The following DMD variants were observed in gnomAD, a reference collection of about 807,000 sequenced individuals.
DMD encodes dystrophin.
A neutral mutation model predicts 330.1 loss-of-function variants in DMD; 63 were observed. The ratio of observed to expected loss-of-function variants is 0.19; its 90% confidence interval spans 0.16 to 0.24. The LOEUF is 0.24. Ranked by LOEUF, DMD falls within the 10% of genes least tolerant of loss-of-function variation. DMD has a pLI of 1.00. For synonymous variants in DMD, 1,223 were observed against 959.8 expected (o/e 1.27, Z -5.07); for missense variants, 3,344 against 2,684.1 (o/e 1.25, Z -5.43).
At chrX:31,859,473 T>A (rs3892871) in intron 48 of DMD, among the ~76,000 whole-genome samples, 12,222 of 111,750 alleles carry the variant, frequency 0.11, 543 homozygotes, top group South Asian at 0.23. Flanking sequence ...ATTGTATGCA[T>A]GAAAATGTAT....
At chrX:33,195,171 T>C (rs894680522) in intron 1 of DMD, among the ~76,000 whole-genome samples, 11 of 110,911 alleles carry the variant, frequency 9.9e-5, no homozygotes, top group Admixed American at 8.7e-4. Flanking sequence ...GCTCCCAGGG[T>C]GGAAAATAAG....
rs776919833 is a variant in DMD, at chrX:32,264,197, G to T, written c.6290+23332C>A. On this transcript the variant is annotated intron_variant, in intron 43 of 78. Transcript: ENST00000357033. The stretch of plus-strand genomic sequence containing the variant: ...CATGAGAGCTGATGGTTTCATAAGG[G>T]GCTTTTCCTCCTTTGCTCGGCACTT... Among the ~76,000 whole-genome samples the T allele has an allele frequency of 9.6e-4, 106 of 110,776 alleles. 1 individual carries two copies. The highest frequency in any genetic ancestry group is 2.8e-3 in the African/African-American group (85 of 30,395).
At chrX:31,851,672 C>T (rs947165583) in intron 48 of DMD, among the ~76,000 whole-genome samples, 3 of 112,020 alleles carry the variant, frequency 2.7e-5, no homozygotes, top group Non-Finnish European at 5.6e-5. Context: ...ATAAAACAGA[C>T]AAACTTTTTG....
intron 7 of DMD, among the ~76,000 whole-genome samples, chrX:32,807,122 T>TTAAAAAAAAAAAAAAA (rs1345640031): frequency 3.4e-4 from 7 of 20,741 alleles, no homozygotes; most frequent in African/African-American, 1.5e-3. Context: ...CGGAAACATT[T>TTAAAAAAAAAAAAAAA]AAAAAAAAAA....
chrX:32,773,505 A>G (rs1306761927), intron 7 of DMD, among the ~76,000 whole-genome samples: 1 of 86,473 alleles, frequency 1.2e-5, no homozygotes, highest in Non-Finnish European at 2.2e-5. Context: ...CTATCTAACT[A>G]TATACTTTTT....
At chrX:32,527,961 TTGTG>T (rs769404589) in intron 17 of DMD, among the ~76,000 whole-genome samples, 81 of 111,769 alleles carry the variant, frequency 7.2e-4, no homozygotes, top group Non-Finnish European at 1.1e-3. Flanking sequence ...ACGTGTGTGT[TTGTG>T]TGTATGTTTA....
chrX:31,743,816 C>A lies in DMD; in HGVS notation c.7543-14068G>T, dbSNP rs537318709. Among the ~76,000 whole-genome samples the A allele has an allele frequency of 3.2e-4, 36 of 111,363 alleles. No individual in the cohort carries two copies. In the South Asian group the frequency reaches 4.2e-3, roughly 13 times the overall value. ...AATATATCAAGGTAATAAACCTACA[C>A]ATGTACTCCCTGAATCTAAAATCAA... is the stretch of plus-strand genomic sequence containing the variant. On this transcript the variant is annotated intron_variant, in intron 51 of 78. Coordinates refer to ENST00000357033, the MANE Select transcript of DMD (RefSeq NM_004006.3).
At chrX:31,580,456 C>T (rs1444348045) in intron 55 of DMD, among the ~76,000 whole-genome samples, 2 of 111,618 alleles carry the variant, frequency 1.8e-5, no homozygotes, top group East Asian at 5.6e-4. Context: ...CTCAGCTACC[C>T]TCCAGATTCC....
In DMD at chrX:33,230,809, G is replaced by A. The variant is rs181924637; in HGVS notation, c.7+108450C>T. On this transcript the variant is annotated intron_variant, in intron 1 of 17. Coordinates refer to the DMD transcript ENST00000288447. ...ATTTCTTCACAGCCACTTAACCAAC[G>A]TGCTAAGTTTTCCAGAATCCAAAAC... Among the ~76,000 whole-genome samples the A allele has an allele frequency of 3.9e-4, 43 of 111,068 alleles. No homozygotes were observed. In the East Asian group the frequency reaches 0.011, roughly 29 times the overall value.
chrX:32,284,372 G>T (rs925998699), intron 43 of DMD, among the ~76,000 whole-genome samples: 2 of 111,492 alleles, frequency 1.8e-5, no homozygotes, highest in Admixed American at 1.9e-4. Context: ...CTGGCTGGTT[G>T]TGCCTTTTCT....
chrX:32,513,020 G>T (rs1049287940), intron 18 of DMD, among the ~76,000 whole-genome samples: 1 of 112,058 alleles, frequency 8.9e-6, no homozygotes, highest in Non-Finnish European at 1.9e-5. Flanking sequence ...TAATGAAGAT[G>T]AGGGATATTT....
chrX:32,425,566 T>C (rs1316839587), intron 29 of DMD, among the ~76,000 whole-genome samples: 1 of 111,830 alleles, frequency 8.9e-6, no homozygotes, highest in East Asian at 2.8e-4. Flanking sequence ...TTCTTTCTCA[T>C]TTTTTCATCA....
At chrX:32,729,244 T>C (rs765052421) in intron 7 of DMD, among the ~76,000 whole-genome samples, 61 of 112,000 alleles carry the variant, frequency 5.4e-4, no homozygotes, top group Non-Finnish European at 1.0e-3. Context: ...ATAATAAAGA[T>C]ATTCCAAACT....
At chrX:33,281,501 G>A (rs905132927) in intron 1 of DMD, among the ~76,000 whole-genome samples, 6 of 111,744 alleles carry the variant, frequency 5.4e-5, no homozygotes, top group Non-Finnish European at 9.4e-5. Context: ...GAGCCACTGC[G>A]CCTGGCCTGA....
chrX:32,015,476 C>A (rs906145419), intron 44 of DMD, among the ~76,000 whole-genome samples: 15 of 111,281 alleles, frequency 1.3e-4, no homozygotes, highest in Non-Finnish European at 1.3e-4. Context: ...GCTACACCCC[C>A]TAGAGTTTTC....
chrX:32,904,087 A>G (rs748651527), intron 2 of DMD, among the ~76,000 whole-genome samples: 1 of 112,414 alleles, frequency 8.9e-6, no homozygotes, highest in East Asian at 2.8e-4. Flanking sequence ...GCAAATATTC[A>G]ACAATGGACA....
chrX:31,716,043 C>A (rs2085020326), intron 52 of DMD, among the ~76,000 whole-genome samples: 1 of 111,816 alleles, frequency 8.9e-6, no homozygotes, highest in Non-Finnish European at 1.9e-5. Context: ...AAGGAGTAAC[C>A]GTTTGATGCT....
intron 1 of DMD, among the ~76,000 whole-genome samples, chrX:33,184,208 G>T (rs1372670176): frequency 8.9e-6 from 1 of 111,927 alleles, no homozygotes; most frequent in East Asian, 2.8e-4. Context: ...GGTTTTAGTG[G>T]AATAAATTAT....
chrX:32,493,592 G>A (rs990445651), intron 19 of DMD, among the ~76,000 whole-genome samples: 5 of 111,517 alleles, frequency 4.5e-5, no homozygotes, highest in African/African-American at 1.6e-4. Flanking sequence ...TAAGCGATGC[G>A]ATTAAGTAAC....
Sources: allele counts gnomAD v4.1 joint callset (sites outside exome capture counted in the v4.1 genomes callset), GRCh38; gene constraint gnomAD v4.1.1; transcripts MANE v1.5; gene names NCBI Gene and HGNC (gene_info 2026-07-23, HGNC 2026-07-21).